The following CCDC142 variants were observed in gnomAD, a reference collection of about 807,000 sequenced individuals.
The protein encoded by CCDC142 is coiled-coil domain containing 142, also known as coiled-coil domain-containing protein 142.
A neutral mutation model predicts 83.8 loss-of-function variants in CCDC142; 67 were observed. That is an observed-to-expected ratio of 0.80 (90% CI 0.66 to 0.98). The LOEUF is 0.98. Ranked by LOEUF, CCDC142 falls within the 50% of genes least tolerant of loss-of-function variation. CCDC142 has a pLI of 0.00. For synonymous variants in CCDC142, 421 were observed against 421.2 expected (o/e 1.00, Z 0.01); for missense variants, 905 against 946.8 (o/e 0.96, Z 0.58).
chr2:74,475,804 C>G (rs1672310344), intron 5 of CCDC142, 78 bp from the exon 6 acceptor site: 2 of 878,346 alleles, frequency 2.3e-6, no homozygotes, highest in Non-Finnish European at 3.6e-6. Flanking sequence ...CTATGTCCAA[C>G]TTGACATCCA....
intron 1 of CCDC142, 103 bp from the exon 2 acceptor site, chr2:74,481,641 G>T (rs141050683): frequency 6.5e-6 from 9 of 1,385,384 alleles, no homozygotes; most frequent in Non-Finnish European, 9.2e-6. Flanking sequence ...TCCAAGACTC[G>T]GGACTGGGGT....
Position 74,482,704 on chromosome 2 carries a change from C to G in CCDC142, c.134G>C (p.Cys45Ser). The part of the protein sequence containing the change: ...RTGGLRWEVH[C>S]WPSGTSGGTP... ...CCCTCCAGAAGTTCCGCTCGGCCAGCAGTGAACCTCCCAGCGAAGACCGCC... is the reference window on the plus strand; with the variant it reads ...CCCTCCAGAAGTTCCGCTCGGCCAGGAGTGAACCTCCCAGCGAAGACCGCC... The change falls in exon 1 of 9, where the codon TGC (cysteine) becomes TCC (serine). Residue 45 changes from cysteine to serine, a missense_variant. By Grantham distance (112) the Cys-to-Ser change is moderately radical (BLOSUM62 -1). Transcript: ENST00000393965. The surrounding 1 kb of genome is among the most constrained non-coding windows in gnomAD (Gnocchi z 5.0). The G allele has an allele frequency of 1.9e-6, 3 of 1,608,288 alleles. No homozygotes were observed. The highest frequency in any genetic ancestry group is 2.5e-6 in the Non-Finnish European group (3 of 1,179,972).
rs1260846025 is a variant in CCDC142 at position 74,482,608 on chromosome 2, C to T, written c.230G>A (p.Gly77Glu). ...YEADAAAWRR[G>E]PAGGGPIPPA... Reference sequence around the variant, plus strand: ...AGGGATCGGGCCGCCACCTGCGGGCCCCCGCCTCCAGGCCGCAGCATCAGC... The same window carrying T: ...AGGGATCGGGCCGCCACCTGCGGGCTCCCGCCTCCAGGCCGCAGCATCAGC... The change falls in exon 1 of 9, where the codon GGG becomes GAG. Residue 77 changes from glycine (G) to glutamate (E), a missense_variant. Gly to Glu is a moderately conservative substitution (Grantham distance 98, BLOSUM62 -2). Transcript: ENST00000393965. The surrounding 1 kb of genome is among the most constrained non-coding windows in gnomAD (Gnocchi z 5.0). 1.2e-6 allele frequency: 2 copies of T among 1,606,900 alleles called. No homozygotes were observed. The highest frequency in any genetic ancestry group is 4.5e-5 in the East Asian group (2 of 44,724).
chr2:74,479,597 T>A (rs1672399828), intron 5 of CCDC142, among the ~76,000 whole-genome samples: 1 of 152,192 alleles, frequency 6.6e-6, no homozygotes, highest in African/African-American at 2.4e-5. Flanking sequence ...ACATGCACTA[T>A]TTTATTTTTT....
In CCDC142 at chr2:74,474,402, C is replaced by T; in HGVS notation, c.*144G>A. 8.8e-7 allele frequency: 1 copy of T among 1,135,214 alleles called. No individual in the cohort carries two copies. Among genetic ancestry groups the T allele is most frequent in the Non-Finnish European group, 1.2e-6 (1 of 828,198 alleles). 70.3% of individuals were successfully genotyped at this position (1,135,214 alleles called of 1,614,324 possible). A position where few individuals can be genotyped will look rare whatever the true frequency, so the allele number is the denominator to read the frequency against. On this transcript the variant is annotated 3_prime_UTR_variant, in exon 9 of 9. Transcript: ENST00000393965. ...CAGCCCCTAATCTTGGATTCTTAAG[C>T]CCAGGCTCTTTGTAGCTTATTCTCC...
At position 74,474,429 on chromosome 2, in the gene CCDC142, G is replaced by T; in HGVS notation, c.*117C>A. 2.3e-6 allele frequency: 3 copies of T among 1,301,192 alleles called. No individual in the cohort carries two copies. The highest frequency in any genetic ancestry group is 3.1e-6 in the Non-Finnish European group (3 of 965,108). The allele number at this position is 1,301,192 out of a possible 1,614,324, so 80.6% of individuals were successfully genotyped here. A position where few individuals can be genotyped will look rare whatever the true frequency, so the allele number is the denominator to read the frequency against. ...CAGGCTCTTTGTAGCTTATTCTCCA[G>T]TATGCTTTCCTCCAAGCTTCCAGTT... On this transcript the variant is annotated 3_prime_UTR_variant, in exon 9 of 9. Coordinates refer to ENST00000393965, the MANE Select transcript of CCDC142 (RefSeq NM_001365575.2).
At position 74,474,762 on chromosome 2, in the gene CCDC142, G is replaced by A; in HGVS notation, c.2037C>T (p.Ser679=). ...QEVQTTKLPS[S]CLNSLESLEP... is the part of the protein sequence containing the mutation. ...CCAAGCTCTCCAGGCTATTGAGGCAGCTGCTGGGCAATTTCGTGGTCTGGA... is the reference window on the plus strand; with the variant it reads ...CCAAGCTCTCCAGGCTATTGAGGCAACTGCTGGGCAATTTCGTGGTCTGGA... The change falls in exon 9 of 9, where the codon AGC becomes AGT. Residue 679 remains serine, a synonymous_variant. Transcript: ENST00000393965. 2 of 1,613,328 alleles carry A rather than the reference G, an allele frequency of 1.2e-6. No homozygotes were observed. The highest frequency in any genetic ancestry group is 1.1e-5 in the South Asian group (1 of 90,966).
chr2:74,478,584 G>A (rs1265825137), intron 5 of CCDC142, among the ~76,000 whole-genome samples: 4 of 151,294 alleles, frequency 2.6e-5, no homozygotes, highest in Non-Finnish European at 4.4e-5. Context: ...ACCACGTTGG[G>A]CAGGCTGGTC....
Position 74,482,642 on chromosome 2 carries a change from C to T in CCDC142, c.196G>A (p.Asp66Asn), listed in dbSNP as rs1364956151. The change falls in exon 1 of 9, where the codon GAC (aspartate) becomes AAC (asparagine). Residue 66 changes from aspartate to asparagine, a missense_variant. Coordinates refer to ENST00000393965, the MANE Select transcript of CCDC142 (RefSeq NM_001365575.2). This position sits in a 1 kb window ranked among gnomAD's most constrained non-coding sequence, Gnocchi z 5.0. ...WWPTPADVSE[D>N]YEADAAAWRR... ...CAGGCCGCAGCATCAGCCTCGTAGT[C>T]CTCGCTCACATCCGCCGGCGTCGGC... 1.2e-6 allele frequency: 2 copies of T among 1,611,892 alleles called. No individual in the cohort carries two copies. Among genetic ancestry groups the T allele is most frequent in the African/African-American group, 2.7e-5 (2 of 75,072 alleles).
chr2:74,482,331 G>A lies in CCDC142; in HGVS notation c.507C>T (p.Arg169=), dbSNP rs1672532736. ...GGCACTGGGCGGCTAGTCCGATGGG[G>A]CGCGCTAGCAGCAGCGGCTCGAGAG... ...GETLEPLLLA[R]PIGLAAQCLE... Residue 169 remains arginine, a synonymous_variant, in exon 1 of 9, where the codon CGC becomes CGT. Transcript: ENST00000393965. This position sits in a 1 kb window ranked among gnomAD's most constrained non-coding sequence, Gnocchi z 5.0. 1 of 1,606,882 alleles carries A rather than the reference G, an allele frequency of 6.2e-7. No individual in the cohort carries two copies. Among genetic ancestry groups the A allele is most frequent in the Non-Finnish European group, 8.5e-7 (1 of 1,177,768 alleles).
chr2:74,474,366 G>A lies in CCDC142; in HGVS notation c.*180C>T. The A allele has an allele frequency of 2.6e-6, 2 of 783,040 alleles. No individual in the cohort carries two copies. The highest frequency in any genetic ancestry group is 2.1e-5 in the South Asian group (1 of 48,608). The allele number at this position is 783,040 out of a possible 1,614,324, so 48.5% of individuals were successfully genotyped here. A position where few individuals can be genotyped will look rare whatever the true frequency, so the allele number is the denominator to read the frequency against. On this transcript the variant is annotated 3_prime_UTR_variant, in exon 9 of 9. Coordinates refer to ENST00000393965, the MANE Select transcript of CCDC142 (RefSeq NM_001365575.2). ...CCAAAGTGCTGGATTACAGGCGTGA[G>A]CCACCTCGCCCAGCCCCTAATCTTG...
Position 74,472,839 on chromosome 2 carries a change from G to C in CCDC142, c.*1707C>G, listed in dbSNP as rs1672221299. ...AGGCAGGAAAGAAAGAGGTGGTTTC[G>C]GCACAACGCATGGGGGAGCCCAAAG... On this transcript the variant is annotated 3_prime_UTR_variant, in exon 9 of 9. Coordinates refer to ENST00000393965, the MANE Select transcript of CCDC142 (RefSeq NM_001365575.2). 1.5e-6 allele frequency: 1 copy of C among 665,182 alleles called. No homozygotes were observed. The highest frequency in any genetic ancestry group is 2.6e-6 in the Non-Finnish European group (1 of 390,792). 41.2% of individuals were successfully genotyped at this position (665,182 alleles called of 1,614,324 possible). A position where few individuals can be genotyped will look rare whatever the true frequency, so the allele number is the denominator to read the frequency against.
chr2:74,473,115 T>A lies in CCDC142; in HGVS notation c.*1431A>T, dbSNP rs141818840. The A allele has an allele frequency of 2.3e-4, 54 of 233,472 alleles. No individual in the cohort carries two copies. Among genetic ancestry groups the A allele is most frequent in the African/African-American group, 1.2e-3 (53 of 42,678 alleles). The allele number at this position is 233,472 out of a possible 1,614,324, so 14.5% of individuals were successfully genotyped here. ...AAACACCATTCAGGTAACTGAAGAT[T>A]AAACGTAGTGAGCTCTGAATAGCCA... On this transcript the variant is annotated 3_prime_UTR_variant, in exon 9 of 9. Coordinates refer to ENST00000393965, the MANE Select transcript of CCDC142 (RefSeq NM_001365575.2).
At chr2:74,480,691 G>C in intron 5 of CCDC142, 78 bp downstream of exon 5, 2 of 941,822 alleles carry the variant, frequency 2.1e-6, no homozygotes, top group Non-Finnish European at 3.3e-6. Context: ...TTACTGAGAT[G>C]TTCTACTCTT....
In CCDC142 at chr2:74,474,783, C is replaced by T. The variant is rs1473996677; in HGVS notation, c.2016G>A (p.Gln672=). The change falls in exon 9 of 9, where the codon CAG becomes CAA. Residue 672 remains glutamine, a synonymous_variant. Coordinates refer to ENST00000393965, the MANE Select transcript of CCDC142 (RefSeq NM_001365575.2). ...GGCAGCTGCTGGGCAATTTCGTGGT[C>T]TGGACCTCCTGACAAGCACCTGGTA... The part of the protein sequence containing the change: ...PPCCCACQEV[Q]TTKLPSSCLN... 1 of 1,610,070 alleles carries T rather than the reference C, an allele frequency of 6.2e-7. No individual in the cohort carries two copies. The highest frequency in any genetic ancestry group is 8.5e-7 in the Non-Finnish European group (1 of 1,177,570).
Position 74,481,348 on chromosome 2 carries a change from G to A in CCDC142, c.1133C>T (p.Ala378Val), listed in dbSNP as rs1558574610. The change falls in exon 3 of 9, where the codon GCT becomes GTT. Residue 378 changes from alanine (A) to valine (V), a missense_variant. By Grantham distance (64) the Ala-to-Val change is moderately conservative (BLOSUM62 0). Around this residue, in one of 3 missense-constraint regions of CCDC142, gnomAD observed 591 missense variants for 571.4 expected, o/e 1.03. Coordinates refer to ENST00000393965, the MANE Select transcript of CCDC142 (RefSeq NM_001365575.2). ...GGGAAGGCTGCTCTGACCCCCAAGAGCTGATCCCAAGGCCTGGCAGAAACC... is the reference window on the plus strand; with the variant it reads ...GGGAAGGCTGCTCTGACCCCCAAGAACTGATCCCAAGGCCTGGCAGAAACC... The part of the protein sequence containing the change: ...DQGFCQALGS[A>V]LGGQSSLPTS... The A allele has an allele frequency of 1.2e-6, 2 of 1,614,146 alleles. No individual in the cohort carries two copies. The highest frequency in any genetic ancestry group is 1.7e-6 in the Non-Finnish European group (2 of 1,180,030).
In CCDC142 at chr2:74,481,386, A is replaced by T; in HGVS notation, c.1109-14T>A. The T allele has an allele frequency of 6.2e-7, 1 of 1,614,000 alleles. No homozygotes were observed. Reference sequence around the variant, plus strand: ...CCTGGCAGAAACCTGAGGATGAGAGAGTATAGTGTGGTGGGGAAGCGGTAA... The same window carrying T: ...CCTGGCAGAAACCTGAGGATGAGAGTGTATAGTGTGGTGGGGAAGCGGTAA... On this transcript the variant is annotated splice_polypyrimidine_tract_variant and intron_variant, in intron 2 of 8. Coordinates refer to ENST00000393965, the MANE Select transcript of CCDC142 (RefSeq NM_001365575.2).
chr2:74,482,690 T>C lies in CCDC142; in HGVS notation c.148A>G (p.Thr50Ala). ...GGCCACCACGGCGTCCCTCCAGAAG[T>C]TCCGCTCGGCCAGCAGTGAACCTCC... ...RWEVHCWPSG[T>A]SGGTPWWPTP... Residue 50 changes from threonine (T) to alanine (A), a missense_variant, in exon 1 of 9, where the codon ACT (threonine) becomes GCT (alanine). By Grantham distance (58) the Thr-to-Ala change is moderately conservative. Transcript: ENST00000393965. This position sits in a 1 kb window ranked among gnomAD's most constrained non-coding sequence, Gnocchi z 5.0. The C allele has an allele frequency of 6.2e-7, 1 of 1,609,976 alleles. No individual in the cohort carries two copies. The highest frequency in any genetic ancestry group is 8.5e-7 in the Non-Finnish European group (1 of 1,179,958).
Position 74,475,325 on chromosome 2 carries a change from C to T in CCDC142, c.1696G>A (p.Gly566Arg). Residue 566 changes from glycine (G) to arginine (R), a missense_variant, in exon 7 of 9, where the codon GGG becomes AGG. This residue lies in a region of CCDC142 where 265 missense variants were observed against 288.9 expected (regional missense o/e 0.92). Transcript: ENST00000393965. ...GGGGCCTGGGCTTGAGGTGGCAACC[C>T]TTGCAATCCTTGCAACACAGGCTCC... ...VLEPVLQGLQ[G>R]LPPQAQAPAL... is the part of the protein sequence containing the mutation. 1 of 1,613,602 alleles carries T rather than the reference C, an allele frequency of 6.2e-7. No individual in the cohort carries two copies. Among genetic ancestry groups the T allele is most frequent in the South Asian group, 1.1e-5 (1 of 91,026 alleles).
Sources: gnomAD v4.1 joint callset for allele counts (sites outside exome capture counted in the v4.1 genomes callset) on GRCh38, gnomAD v4.1.1 for gene constraint, gnomAD v4.1.1 regional missense constraint, Gnocchi (gnomAD v3.1) non-coding constraint, MANE v1.5 for transcripts, NCBI Gene and HGNC (gene_info 2026-07-23, HGNC 2026-07-21) for gene names.